The following WDR70 variants were observed in gnomAD, a reference collection of about 807,000 sequenced individuals.
WDR70 encodes the protein WD repeat domain 70, also known as WD repeat-containing protein 70.
WDR70 carries 53 observed loss-of-function variants against 88.6 expected under a neutral mutation model. The observed-to-expected ratio is 0.60, with a 90% CI of 0.48 to 0.75. The LOEUF (loss-of-function observed/expected upper bound fraction) is 0.75. WDR70 is among the 30% of genes least tolerant of loss of function. The probability of loss-of-function intolerance (pLI) is 0.00; values close to 1 mark genes in which losing one functional copy is unlikely to be tolerated. For synonymous variants in WDR70, 280 were observed against 270.0 expected, an observed-to-expected ratio of 1.04 and a Z score of -0.36; for missense variants, 610 against 823.2, an observed-to-expected ratio of 0.74 and a Z score of 3.17.
chr5:37,390,508 T>A (rs556900589), intron 3 of WDR70, among the ~76,000 whole-genome samples: 1 of 151,558 alleles, frequency 6.6e-6, no homozygotes, highest in Admixed American at 6.6e-5. Flanking sequence ...CCTGGCTAAT[T>A]TTTTTGTATT....
At chr5:37,614,701 A>G (rs1281163086) in intron 10 of WDR70, among the ~76,000 whole-genome samples, 1 of 152,202 alleles carries the variant, frequency 6.6e-6, no homozygotes, top group Non-Finnish European at 1.5e-5. Context: ...AGCCTAAGAT[A>G]CTTACTGTAT....
rs1281006899 is a variant in WDR70, at chr5:37,726,872, T to A, written c.1715-11T>A. The stretch of plus-strand genomic sequence containing the variant: ...TCAGTTTCTAATTTGGTTTTTTTTC[T>A]TTTGCAATAGGTCGTGGTGGCCGAG... On this transcript the variant is annotated splice_polypyrimidine_tract_variant and intron_variant, in intron 16 of 17. Coordinates refer to ENST00000265107, the MANE Select transcript of WDR70 (RefSeq NM_018034.4). The A allele has an allele frequency of 1.3e-6, 2 of 1,574,408 alleles. No individual in the cohort carries two copies.
At chr5:37,610,896 AT>A (rs1744173539) in intron 10 of WDR70, among the ~76,000 whole-genome samples, 1 of 152,234 alleles carries the variant, frequency 6.6e-6, no homozygotes, top group Non-Finnish European at 1.5e-5. Flanking sequence ...TATTCTGCAT[AT>A]AAAAATGATA....
At chr5:37,484,416 G>A (rs924845171) in intron 8 of WDR70, among the ~76,000 whole-genome samples, 5 of 152,182 alleles carry the variant, frequency 3.3e-5, no homozygotes, top group African/African-American at 7.2e-5. Context: ...CCAGTCAGGC[G>A]TGGCGGCGCG....
intron 10 of WDR70, 59 bp downstream of exon 10, chr5:37,605,297 A>G (rs921165635): frequency 6.2e-5 from 93 of 1,507,494 alleles, no homozygotes; most frequent in Non-Finnish European, 8.1e-5. Context: ...GAAGATGGCC[A>G]CCTTACAAAG....
intron 17 of WDR70, among the ~76,000 whole-genome samples, chr5:37,732,896 A>G (rs1039543894): frequency 6.6e-6 from 1 of 152,130 alleles, no homozygotes; most frequent in Admixed American, 6.6e-5. Flanking sequence ...TTTATTTAGG[A>G]AGGCATCTCC....
intron 9 of WDR70, among the ~76,000 whole-genome samples, chr5:37,527,633 G>A (rs775944615): frequency 1.8e-4 from 28 of 152,120 alleles, no homozygotes; most frequent in Non-Finnish European, 3.7e-4. Flanking sequence ...TTAACAAATG[G>A]GGTCTAAATA....
At chr5:37,469,162 C>T (rs998295358) in intron 7 of WDR70, among the ~76,000 whole-genome samples, 1 of 152,132 alleles carries the variant, frequency 6.6e-6, no homozygotes, top group African/African-American at 2.4e-5. Flanking sequence ...TTAGTTTATA[C>T]TCGTGGTGGT....
rs534594630 is a variant in WDR70, at chr5:37,632,956, A to G, written c.1092+27718A>G. On this transcript the variant is annotated intron_variant, in intron 10 of 17. Coordinates refer to ENST00000265107, the MANE Select transcript of WDR70 (RefSeq NM_018034.4). ...TTACTTTTTATACCATGTCTTTACT[A>G]TACCTTTTCTGTGTGTAGATATGTT... Among the ~76,000 whole-genome samples, 3 of 152,270 alleles carry G rather than the reference A, an allele frequency of 2.0e-5. No homozygotes were observed. In the South Asian group the frequency reaches 6.2e-4, roughly 32 times the overall value.
intron 7 of WDR70, among the ~76,000 whole-genome samples, chr5:37,474,489 C>T (rs1037443777): frequency 1.3e-5 from 2 of 152,142 alleles, no homozygotes; most frequent in African/African-American, 2.4e-5. Context: ...GGAGGAATGT[C>T]ACTAGGCATG....
chr5:37,697,669 C>T lies in WDR70; in HGVS notation c.1107C>T (p.Phe369=). 1.9e-6 allele frequency: 3 copies of T among 1,613,666 alleles called. No homozygotes were observed. Among genetic ancestry groups the T allele is most frequent in the Non-Finnish European group, 2.5e-6 (3 of 1,179,688 alleles). ...TTTGTGAATAGGTTCATCCTAAGTT[C>T]CACTATAAACAGGCTCATGACTCGG... is the stretch of plus-strand genomic sequence containing the variant. ...WDRNLTVHPK[F]HYKQAHDSGT... The change falls in exon 11 of 18, where the codon TTC becomes TTT. Residue 369 remains phenylalanine (F), a synonymous_variant. Transcript: ENST00000265107.
intron 9 of WDR70, among the ~76,000 whole-genome samples, chr5:37,546,597 T>G (rs931345210): frequency 2.6e-5 from 4 of 152,182 alleles, no homozygotes; most frequent in Non-Finnish European, 5.9e-5. Context: ...TCTTGAAGTG[T>G]TAAGTCAATT....
At chr5:37,405,567 G>T (rs7715310) in intron 5 of WDR70, among the ~76,000 whole-genome samples, 11 of 152,024 alleles carry the variant, frequency 7.2e-5, no homozygotes, top group African/African-American at 2.7e-4. Context: ...TAGCTGTGCC[G>T]ATAATCAGAA....
intron 5 of WDR70, among the ~76,000 whole-genome samples, chr5:37,397,116 G>A (rs774829410): frequency 9.3e-5 from 14 of 149,816 alleles, no homozygotes; most frequent in Non-Finnish European, 1.8e-4. Context: ...CAGCCTGGGC[G>A]ACAGAGTGAG....
At chr5:37,562,981 T>C (rs1321905019) in intron 9 of WDR70, among the ~76,000 whole-genome samples, 2 of 143,004 alleles carry the variant, frequency 1.4e-5, no homozygotes, top group South Asian at 2.3e-4. Context: ...CCAGACGGGG[T>C]GGTGGCCGGG....
intron 5 of WDR70, among the ~76,000 whole-genome samples, chr5:37,424,626 ACTTGG>A: frequency 6.6e-6 from 1 of 151,920 alleles, no homozygotes; most frequent in Non-Finnish European, 1.5e-5. Flanking sequence ...CCCAAGCTGG[ACTTGG>A]ACTCCTGGAC....
At chr5:37,699,841 G>A (rs912194256) in intron 11 of WDR70, among the ~76,000 whole-genome samples, 7 of 151,878 alleles carry the variant, frequency 4.6e-5, no homozygotes, top group South Asian at 2.1e-4. Context: ...CCAGCTACTC[G>A]GGAGGCTGAG....
intron 9 of WDR70, among the ~76,000 whole-genome samples, chr5:37,602,635 GAA>G (rs796596167): frequency 7.4e-6 from 1 of 134,532 alleles, no homozygotes; most frequent in African/African-American, 2.8e-5. Flanking sequence ...CAAAAAAAAA[GAA>G]AAAAAAAAGG....
chr5:37,388,461 G>T (rs1198673767), intron 3 of WDR70, among the ~76,000 whole-genome samples: 1 of 149,170 alleles, frequency 6.7e-6, no homozygotes, highest in African/African-American at 2.5e-5. Context: ...CACTAGGCTG[G>T]GGACAGTGGC....
Sources: gnomAD v4.1 joint callset for allele counts (sites outside exome capture counted in the v4.1 genomes callset) on GRCh38, gnomAD v4.1.1 for gene constraint, MANE v1.5 for transcripts, NCBI Gene and HGNC (gene_info 2026-07-23, HGNC 2026-07-21) for gene names.